Variants in PKD1L1 observed in about 807,000 individuals in gnomAD.
The protein encoded by PKD1L1 is polycystin-1-like protein 1.
PKD1L1 carries 236 observed loss-of-function variants against 323.4 expected under a neutral mutation model. The observed-to-expected ratio is 0.73, with a 90% CI of 0.66 to 0.81. The LOEUF (loss-of-function observed/expected upper bound fraction) is 0.81. Among genes scored for constraint, PKD1L1 ranks in the 40% least tolerant of loss-of-function variants. The pLI is 0.00. For synonymous variants in PKD1L1, 1,344 were observed against 1,335.0 expected, an observed-to-expected ratio of 1.01 and a Z score of -0.15; for missense variants, 3,320 against 3,508.0, an observed-to-expected ratio of 0.95 and a Z score of 1.35.
chr7:47,813,100 G>A (rs757632833), intron 49 of PKD1L1, 21 bp downstream of exon 49: 16 of 1,604,052 alleles, frequency 1.0e-5, no homozygotes, highest in Admixed American at 3.4e-5. Flanking sequence ...GATGAGCCCC[G>A]GCCCTTCGAA....
chr7:47,796,270 G>C, intron 54 of PKD1L1, 120 bp from the exon 55 acceptor site: 2 of 966,948 alleles, frequency 2.1e-6, no homozygotes, highest in South Asian at 2.1e-5. Flanking sequence ...ACGAGCTTTT[G>C]GTAAAATAGT....
intron 14 of PKD1L1, among the ~76,000 whole-genome samples, chr7:47,896,755 C>T (rs1370144085): frequency 1.3e-5 from 2 of 152,068 alleles, no homozygotes; most frequent in Non-Finnish European, 2.9e-5. Flanking sequence ...TTGCATTTCC[C>T]CTTGGCTTCT....
At chr7:47,866,032 T>TG (rs1334304714) in intron 25 of PKD1L1, among the ~76,000 whole-genome samples, 1 of 152,232 alleles carries the variant, frequency 6.6e-6, no homozygotes, top group African/African-American at 2.4e-5. Context: ...AGATAGCAGT[T>TG]GCATAAATGC....
At chr7:47,896,944 A>C (rs1043406238) in intron 14 of PKD1L1, among the ~76,000 whole-genome samples, 3 of 152,128 alleles carry the variant, frequency 2.0e-5, no homozygotes, top group Non-Finnish European at 4.4e-5. Context: ...GTTCCCAATC[A>C]ACATTTCTAA....
At chr7:47,813,013 G>T in intron 49 of PKD1L1, 108 bp downstream of exon 49, 2 of 1,363,850 alleles carry the variant, frequency 1.5e-6, no homozygotes, top group Non-Finnish European at 2.0e-6. Flanking sequence ...GACCTCGCAG[G>T]CCTGTCAGGA....
chr7:47,869,006 G>T (rs1786226300), intron 24 of PKD1L1, among the ~76,000 whole-genome samples: 1 of 152,204 alleles, frequency 6.6e-6, no homozygotes, highest in Non-Finnish European at 1.5e-5. Flanking sequence ...TGGATCTATA[G>T]AGGAGTAAAT....
intron 45 of PKD1L1, among the ~76,000 whole-genome samples, chr7:47,826,830 A>G (rs1785247544): frequency 6.6e-6 from 1 of 152,238 alleles, no homozygotes; most frequent in African/African-American, 2.4e-5. Flanking sequence ...AATTCAAAAT[A>G]TTTTATGAGA....
chr7:47,842,449 C>G (rs889439689), intron 34 of PKD1L1, among the ~76,000 whole-genome samples: 1 of 152,126 alleles, frequency 6.6e-6, no homozygotes, highest in Non-Finnish European at 1.5e-5. Flanking sequence ...TTGTGTCACA[C>G]GCACTTCGAA....
intron 31 of PKD1L1, 56 bp downstream of exon 31, chr7:47,853,070 AG>A: frequency 8.8e-7 from 1 of 1,140,212 alleles, no homozygotes; most frequent in South Asian, 1.2e-5. Flanking sequence ...CAAAGGTTAT[AG>A]GGGATGTTTT....
chr7:47,887,982 C>G lies in PKD1L1; in HGVS notation c.2836+8G>C. 6.2e-7 allele frequency: 1 copy of G among 1,600,988 alleles called. No individual in the cohort carries two copies. The highest frequency in any genetic ancestry group is 8.5e-7 in the Non-Finnish European group (1 of 1,174,086). ...AGAAAACAAAATAAAGCTATTAATC[C>G]TTTTTACCTTCTATCCTATTCTTTT... On this transcript the variant is annotated splice_region_variant and intron_variant, in intron 17 of 56. Transcript: ENST00000289672.
chr7:47,776,302 A>G (rs972904346), intron 56 of PKD1L1, among the ~76,000 whole-genome samples: 8 of 152,350 alleles, frequency 5.3e-5, no homozygotes, highest in Admixed American at 2.0e-4. Flanking sequence ...CAGAGAGAAT[A>G]TTTCCAAATT....
intron 13 of PKD1L1, among the ~76,000 whole-genome samples, chr7:47,898,970 T>G (rs1434570629): frequency 1.3e-5 from 2 of 151,970 alleles, no homozygotes; most frequent in Non-Finnish European, 2.9e-5. Context: ...TAAACTATAG[T>G]TTGGTCAGGA....
chr7:47,958,127 G>A, the PKD1L1 span, among the ~76,000 whole-genome samples: 1 of 151,906 alleles, frequency 6.6e-6, no homozygotes, highest in Non-Finnish European at 1.5e-5. Flanking sequence ...AAAAGACCTT[G>A]AATAGCCAAA....
At chr7:47,781,356 C>T (rs139599329) in intron 56 of PKD1L1, among the ~76,000 whole-genome samples, 181 of 151,136 alleles carry the variant, frequency 1.2e-3, no homozygotes, top group African/African-American at 4.0e-3. Context: ...GTCCTTCCAT[C>T]CTCTCAATAA....
chr7:47,878,338 C>T (rs1187748291), intron 21 of PKD1L1, among the ~76,000 whole-genome samples: 1 of 152,122 alleles, frequency 6.6e-6, no homozygotes, highest in Non-Finnish European at 1.5e-5. Context: ...TTATTGATCA[C>T]CCCATAATGA....
In PKD1L1 at chr7:47,774,765, G is replaced by A. The variant is rs920975782; in HGVS notation, c.*378C>T. On this transcript the variant is annotated 3_prime_UTR_variant, in exon 57 of 57. Transcript: ENST00000289672. Reference sequence around the variant, plus strand: ...GAATGTTATCCTGGTCTCTTTCATCGCTTTTATGAGACCTGAAAGAAATTT... The same window carrying A: ...GAATGTTATCCTGGTCTCTTTCATCACTTTTATGAGACCTGAAAGAAATTT... 11 of 168,396 alleles carry A rather than the reference G, an allele frequency of 6.5e-5. No homozygotes were observed. The highest frequency in any genetic ancestry group is 1.7e-4 in the African/African-American group (7 of 42,062). 10.4% of individuals were successfully genotyped at this position (168,396 alleles called of 1,614,324 possible).
In PKD1L1 at chr7:47,808,729, A is replaced by G. The variant is rs563023186; in HGVS notation, c.7687-342T>C. On this transcript the variant is annotated intron_variant, in intron 51 of 56. Coordinates refer to ENST00000289672, the MANE Select transcript of PKD1L1 (RefSeq NM_138295.5). ...TAAGCATCGAAAAGATACAGTAAAA[A>G]TACAGTACAAAAGGTAAAAAATGAT... Among the ~76,000 whole-genome samples, 3 of 152,340 alleles carry G rather than the reference A, an allele frequency of 2.0e-5. No individual in the cohort carries two copies. In the East Asian group the frequency reaches 5.8e-4, roughly 29 times the overall value.
At chr7:47,788,587 TTTAA>T (rs1786867132) in intron 56 of PKD1L1, among the ~76,000 whole-genome samples, 1 of 142,990 alleles carries the variant, frequency 7.0e-6, no homozygotes, top group African/African-American at 2.5e-5. Context: ...ATTTTTTTTT[TTTAA>T]TTTTAATTTT....
intron 4 of PKD1L1, among the ~76,000 whole-genome samples, chr7:47,934,120 T>C (rs1583686397): frequency 6.6e-6 from 1 of 152,220 alleles, no homozygotes; most frequent in East Asian, 1.9e-4. Context: ...TACTATTATG[T>C]ATGGTTTGCA....
Sources: allele counts gnomAD v4.1 joint callset (sites outside exome capture counted in the v4.1 genomes callset), GRCh38; gene constraint gnomAD v4.1.1; transcripts MANE v1.5; gene names NCBI Gene and HGNC (gene_info 2026-07-23, HGNC 2026-07-21).